WASF3: variants seen among roughly 807,000 people sequenced by gnomAD.
WASF3 encodes actin-binding protein WASF3.
Under a neutral mutation model 46.6 loss-of-function variants are expected in WASF3, and 11 were observed. That is an observed-to-expected ratio of 0.24 (90% CI 0.15 to 0.39). The LOEUF (loss-of-function observed/expected upper bound fraction) is 0.39. Among genes scored for constraint, WASF3 ranks in the 10% least tolerant of loss-of-function variants. The probability of loss-of-function intolerance (pLI) is 1.00; values close to 1 mark genes in which losing one functional copy is unlikely to be tolerated. For synonymous variants in WASF3, 242 were observed against 259.7 expected (o/e 0.93, Z 0.65); for missense variants, 576 against 669.8 (o/e 0.86, Z 1.55).
chr13:26,551,801 A>G, the WASF3 span, among the ~76,000 whole-genome samples: 1 of 152,162 alleles, frequency 6.6e-6, no homozygotes, highest in Non-Finnish European at 1.5e-5. Context: ...GATTATTTTT[A>G]AGGGCTTTAT....
intron 1 of WASF3, among the ~76,000 whole-genome samples, chr13:26,572,120 A>G (rs1879653940): frequency 6.6e-6 from 1 of 152,214 alleles, no homozygotes; most frequent in Non-Finnish European, 1.5e-5. Context: ...GTTTACTAAC[A>G]TGTCATCAAC....
At chr13:26,633,982 G>A (rs528380720) in intron 2 of WASF3, among the ~76,000 whole-genome samples, 14 of 152,204 alleles carry the variant, frequency 9.2e-5, no homozygotes, top group Non-Finnish European at 1.9e-4. Flanking sequence ...TTGGGGTGGA[G>A]AGTTCTGTAG....
Position 26,685,734 on chromosome 13 carries a change from G to A in WASF3, c.1398G>A (p.Lys466=). Reference sequence around the variant, plus strand: ...AGGAGCAGCGGGAGCAGGAGGCCAAGCGGGAGCCAGTGGGGAATGACGTGG... The same window carrying A: ...AGGAGCAGCGGGAGCAGGAGGCCAAACGGGAGCCAGTGGGGAATGACGTGG... ...KVQEQREQEA[K]REPVGNDVAT... Residue 466 remains lysine, a synonymous_variant, in exon 10 of 10, where the codon AAG becomes AAA. Transcript: ENST00000335327. 1 of 1,614,236 alleles carries A rather than the reference G, an allele frequency of 6.2e-7. No individual in the cohort carries two copies. The highest frequency in any genetic ancestry group is 8.5e-7 in the Non-Finnish European group (1 of 1,180,046).
chr13:26,679,727 C>T lies in WASF3; in HGVS notation c.717-1327C>T, dbSNP rs1362945950. 6.6e-6 allele frequency among the ~76,000 whole-genome samples: 1 copy of T among 152,172 alleles called. No individual in the cohort carries two copies. The highest frequency in any genetic ancestry group is 2.4e-5 in the African/African-American group (1 of 41,434). On this transcript the variant is annotated intron_variant, in intron 7 of 9. Transcript: ENST00000335327. This position sits in a 1 kb window ranked among gnomAD's most constrained non-coding sequence, Gnocchi z 4.8. ...CTAAATACAGGTCAGGTCCTTCCCC[C>T]ATTAAATATATTTTTAAGTCATTTG...
the WASF3 span, among the ~76,000 whole-genome samples, chr13:26,549,260 G>A: frequency 2.4e-4 from 37 of 152,168 alleles, no homozygotes; most frequent in South Asian, 6.2e-3. Flanking sequence ...GATTACAGGC[G>A]TGAGCCACTG....
At chr13:26,662,325 T>A (rs1321970449) in intron 3 of WASF3, among the ~76,000 whole-genome samples, 2 of 152,180 alleles carry the variant, frequency 1.3e-5, no homozygotes, top group Non-Finnish European at 2.9e-5. Context: ...GGAAAATGGA[T>A]CATTTTACCA....
chr13:26,588,765 G>T (rs1880204939), intron 1 of WASF3, among the ~76,000 whole-genome samples: 1 of 151,992 alleles, frequency 6.6e-6, no homozygotes, highest in Non-Finnish European at 1.5e-5. Context: ...AGTTAAAATG[G>T]TATGGCATTG....
At chr13:26,546,865 G>C in the WASF3 span, among the ~76,000 whole-genome samples, 1 of 152,176 alleles carries the variant, frequency 6.6e-6, no homozygotes, top group African/African-American at 2.4e-5. Context: ...ATTGCAAAGA[G>C]GTGAAGCTGA....
At chr13:26,565,891 A>G (rs1272349650) in intron 1 of WASF3, among the ~76,000 whole-genome samples, 1 of 152,216 alleles carries the variant, frequency 6.6e-6, no homozygotes, top group East Asian at 1.9e-4. Context: ...CATTCATTGA[A>G]AACTTCTTCC....
At chr13:26,680,735 A>G (rs1883200498) in intron 7 of WASF3, among the ~76,000 whole-genome samples, 1 of 152,106 alleles carries the variant, frequency 6.6e-6, no homozygotes, top group Non-Finnish European at 1.5e-5. Flanking sequence ...GGTTTCTTTC[A>G]TAGCCTTCTT....
chr13:26,572,487 A>T (rs528963203), intron 1 of WASF3, among the ~76,000 whole-genome samples: 2 of 152,336 alleles, frequency 1.3e-5, no homozygotes, highest in East Asian at 1.9e-4. Context: ...GGAGGCAATT[A>T]TATGACTTTC....
chr13:26,596,001 C>G (rs1381223692), intron 1 of WASF3, among the ~76,000 whole-genome samples: 1 of 152,044 alleles, frequency 6.6e-6, no homozygotes, highest in African/African-American at 2.4e-5. Flanking sequence ...GGATAAATAC[C>G]CATGAATGTG....
At chr13:26,665,474 A>G (rs1593178595) in intron 4 of WASF3, among the ~76,000 whole-genome samples, 1 of 152,238 alleles carries the variant, frequency 6.6e-6, no homozygotes, top group Non-Finnish European at 1.5e-5. Flanking sequence ...TATTTTAAAA[A>G]TAGTTTCTTA....
chr13:26,583,939 G>A (rs1207516941), intron 1 of WASF3, among the ~76,000 whole-genome samples: 2 of 152,190 alleles, frequency 1.3e-5, no homozygotes, highest in Admixed American at 6.5e-5. Context: ...CACTTAAAAA[G>A]GTTCTGAAAA....
At chr13:26,631,524 G>T (rs1180665532) in intron 2 of WASF3, among the ~76,000 whole-genome samples, 3 of 152,206 alleles carry the variant, frequency 2.0e-5, no homozygotes, top group African/African-American at 7.2e-5. Context: ...CGGTTCCATT[G>T]GTCTATATCT....
intron 1 of WASF3, among the ~76,000 whole-genome samples, chr13:26,583,302 C>G (rs753294296): frequency 6.6e-6 from 1 of 152,138 alleles, no homozygotes; most frequent in African/African-American, 2.4e-5. Flanking sequence ...AATTATTTTC[C>G]GTAATGGTTA....
chr13:26,615,384 C>T (rs1466468845), intron 2 of WASF3, among the ~76,000 whole-genome samples: 1 of 152,150 alleles, frequency 6.6e-6, no homozygotes, highest in African/African-American at 2.4e-5. Context: ...TCTCGGCTCA[C>T]TGCAACCTCT....
At chr13:26,550,342 C>A in the WASF3 span, among the ~76,000 whole-genome samples, 1 of 152,124 alleles carries the variant, frequency 6.6e-6, no homozygotes, top group Non-Finnish European at 1.5e-5. Context: ...AGATAACTCC[C>A]TTCGTTGTTT....
the WASF3 span, among the ~76,000 whole-genome samples, chr13:26,547,417 CA>C: frequency 6.6e-6 from 1 of 151,692 alleles, no homozygotes; most frequent in African/African-American, 2.4e-5. Flanking sequence ...CACACACACA[CA>C]CACACACACC....
Sources: gnomAD v4.1 joint callset for allele counts (sites outside exome capture counted in the v4.1 genomes callset) on GRCh38, gnomAD v4.1.1 for gene constraint, Gnocchi (gnomAD v3.1) non-coding constraint, MANE v1.5 for transcripts, NCBI Gene and HGNC (gene_info 2026-07-23, HGNC 2026-07-21) for gene names.